SMAD5: variants seen among roughly 807,000 people sequenced by gnomAD.
SMAD5 encodes SMAD family member 5.
SMAD5 carries 9 observed loss-of-function variants against 43.1 expected under a neutral mutation model. The observed-to-expected ratio is 0.21, with a 90% confidence interval of 0.13 to 0.36. SMAD5 has a LOEUF of 0.36. Among genes scored for constraint, SMAD5 ranks in the 10% least tolerant of loss-of-function variants. The probability of loss-of-function intolerance (pLI) is 1.00; values close to 1 mark genes in which losing one functional copy is unlikely to be tolerated. For synonymous variants in SMAD5, 190 were observed against 192.4 expected (o/e 0.99, Z 0.10); for missense variants, 348 against 574.0 (o/e 0.61, Z 4.02).
chr5:136,140,699 C>T (rs1200287363), intron 1 of SMAD5, among the ~76,000 whole-genome samples: 1 of 151,814 alleles, frequency 6.6e-6, no homozygotes, highest in Non-Finnish European at 1.5e-5. Context: ...TCCAGGACTT[C>T]TTGTCCACCT....
At chr5:136,158,886 G>A (rs1337541356) in intron 3 of SMAD5, among the ~76,000 whole-genome samples, 2 of 143,900 alleles carry the variant, frequency 1.4e-5, no homozygotes, top group African/African-American at 5.5e-5. Context: ...GCGACAGAGC[G>A]AGACTCCATC....
chr5:136,143,620 G>A (rs1041706387), intron 1 of SMAD5, among the ~76,000 whole-genome samples: 3 of 151,394 alleles, frequency 2.0e-5, no homozygotes, highest in Admixed American at 6.6e-5. Context: ...GGTTTTCCTC[G>A]TCCTTGTACT....
At chr5:136,144,941 A>C (rs1425246023) in intron 1 of SMAD5, among the ~76,000 whole-genome samples, 2 of 151,846 alleles carry the variant, frequency 1.3e-5, no homozygotes, top group Non-Finnish European at 2.9e-5. Flanking sequence ...AACACTGAGG[A>C]ATATAGGAGA....
chr5:136,143,400 T>C (rs1432498180), intron 1 of SMAD5, among the ~76,000 whole-genome samples: 1 of 152,028 alleles, frequency 6.6e-6, no homozygotes, highest in Non-Finnish European at 1.5e-5. Flanking sequence ...TTTGTCTTCT[T>C]GAAATACCTC....
rs373574572 is a variant in SMAD5 at position 136,143,007 on chromosome 5, C to T, written c.-244-4825C>T. ...TGAATAAATCAAATGTCTCCTCTGT[C>T]TAATATCACAATTCATCTCTCCAAT... On this transcript the variant is annotated intron_variant, in intron 1 of 7. Transcript: ENST00000545279. 1.8e-3 allele frequency among the ~76,000 whole-genome samples: 272 copies of T among 152,218 alleles called. 9 individuals carry two copies. In the South Asian group the frequency reaches 0.053, roughly 30 times the overall value.
intron 2 of SMAD5, among the ~76,000 whole-genome samples, chr5:136,151,164 A>G (rs374098681): frequency 6.6e-6 from 1 of 151,926 alleles, no homozygotes; most frequent in Admixed American, 6.6e-5. Context: ...TTCTAGGTCC[A>G]GGGCATCCAG....
At chr5:136,172,349 CT>C in intron 5 of SMAD5, 84 bp from the exon 6 acceptor site, 1 of 740,498 alleles carries the variant, frequency 1.4e-6, no homozygotes, top group Non-Finnish European at 2.2e-6. Flanking sequence ...TCATGTAATA[CT>C]TGGGTTGGGT....
At chr5:136,140,755 A>G (rs1277136720) in intron 1 of SMAD5, among the ~76,000 whole-genome samples, 2 of 151,144 alleles carry the variant, frequency 1.3e-5, no homozygotes, top group Non-Finnish European at 1.5e-5. Flanking sequence ...CCTAACAAAC[A>G]TATCATTTAC....
chr5:136,151,679 C>G (rs893767104), intron 2 of SMAD5, among the ~76,000 whole-genome samples: 12 of 152,044 alleles, frequency 7.9e-5, no homozygotes, highest in Non-Finnish European at 1.8e-4. Flanking sequence ...TACACATACT[C>G]TCTCACACAT....
At chr5:136,160,833 G>A (rs779214266) in intron 3 of SMAD5, 23 bp from the exon 4 acceptor site, 12 of 1,611,230 alleles carry the variant, frequency 7.4e-6, no homozygotes, top group South Asian at 6.6e-5. Context: ...CCTGACAAAT[G>A]ACTTTTGATT....
chr5:136,138,787 G>A (rs1273063253), intron 1 of SMAD5, among the ~76,000 whole-genome samples: 1 of 152,144 alleles, frequency 6.6e-6, no homozygotes, highest in African/African-American at 2.4e-5. Context: ...TGCATGGTCC[G>A]AGATTCTTGT....
chr5:136,143,238 C>T (rs1442084789), intron 1 of SMAD5, among the ~76,000 whole-genome samples: 1 of 149,392 alleles, frequency 6.7e-6, no homozygotes, highest in East Asian at 2.0e-4. Flanking sequence ...AGTTAGGCTT[C>T]TGTTTATTTG....
rs909188138 is a variant in SMAD5 at position 136,179,880 on chromosome 5, TAGAG to T, written c.*2403_*2406del. 1 of 152,214 alleles carries T rather than the reference TAGAG, an allele frequency of 6.6e-6. No homozygotes were observed. Among genetic ancestry groups the T allele is most frequent in the Non-Finnish European group, 1.5e-5 (1 of 68,024 alleles). 9.4% of individuals were successfully genotyped at this position (152,214 alleles called of 1,614,324 possible). ...TGGGCTGCAGTAAACTAGTGGAAAT[TAGAG>T]AGTTGTTTTATTGGTGTTTTCTACT... On this transcript the variant is annotated 3_prime_UTR_variant, in exon 8 of 8. Coordinates refer to ENST00000545279, the MANE Select transcript of SMAD5 (RefSeq NM_005903.7).
intron 3 of SMAD5, among the ~76,000 whole-genome samples, chr5:136,160,531 G>A (rs889017493): frequency 1.3e-5 from 2 of 151,724 alleles, no homozygotes; most frequent in African/African-American, 2.4e-5. Context: ...AGCTGGGAGC[G>A]CTCACCTCTG....
intron 1 of SMAD5, among the ~76,000 whole-genome samples, chr5:136,146,519 A>G (rs1363547705): frequency 1.3e-5 from 2 of 151,762 alleles, no homozygotes; most frequent in Non-Finnish European, 3.0e-5. Flanking sequence ...GTTCAGAGGT[A>G]TTGCAGGTTC....
chr5:136,172,824 C>T (rs1754276534), intron 6 of SMAD5, 169 bp downstream of exon 6: 2 of 592,716 alleles, frequency 3.4e-6, no homozygotes, highest in East Asian at 5.6e-5. Context: ...ACATGATGTT[C>T]CCTCATTTTT....
At chr5:136,154,566 A>G (rs919021713) in intron 3 of SMAD5, among the ~76,000 whole-genome samples, 9 of 152,130 alleles carry the variant, frequency 5.9e-5, no homozygotes, top group African/African-American at 1.4e-4. Flanking sequence ...TTCTGATAGC[A>G]TACAAGCATG....
intron 1 of SMAD5, among the ~76,000 whole-genome samples, chr5:136,145,566 C>T (rs540902621): frequency 8.6e-5 from 13 of 151,996 alleles, no homozygotes; most frequent in Admixed American, 7.2e-4. Flanking sequence ...TAAAATAATG[C>T]GGACTCTTAA....
Position 136,138,206 on chromosome 5 carries a change from C to T in SMAD5, c.-245+5244C>T, listed in dbSNP as rs1752950177. ...TAAAAACTGGGAAACAAAAGTCTGG[C>T]TGTGGGAGATAATAAAGTAGAGAAT... is the stretch of plus-strand genomic sequence containing the variant. On this transcript the variant is annotated intron_variant, in intron 1 of 7. Coordinates refer to ENST00000545279, the MANE Select transcript of SMAD5 (RefSeq NM_005903.7). Among the ~76,000 whole-genome samples, 5 of 152,170 alleles carry T rather than the reference C, an allele frequency of 3.3e-5. No homozygotes were observed. The South Asian group carries it at 6.2e-4, about 19-fold the overall frequency.
Sources: allele counts gnomAD v4.1 joint callset (sites outside exome capture counted in the v4.1 genomes callset), GRCh38; gene constraint gnomAD v4.1.1; transcripts MANE v1.5; gene names NCBI Gene and HGNC (gene_info 2026-07-23, HGNC 2026-07-21).